The following ATOSA variants were observed in gnomAD, a reference collection of about 807,000 sequenced individuals.
ATOSA encodes the protein atos homolog A, also known as atos homolog protein A.
chr15:52,611,477 A>G, the ATOSA span: 1 of 1,309,272 alleles, frequency 7.6e-7, no homozygotes, highest in South Asian at 1.4e-5. Context: ...TTTATTACAT[A>G]GAGGAATTCA....
chr15:52,686,458 A>G, the ATOSA span, among the ~76,000 whole-genome samples: 1 of 152,254 alleles, frequency 6.6e-6, no homozygotes, highest in Non-Finnish European at 1.5e-5. Flanking sequence ...TACTGTCTCA[A>G]TTTAAGAAAG....
At chr15:52,708,961 A>G in the ATOSA span, among the ~76,000 whole-genome samples, 1 of 152,188 alleles carries the variant, frequency 6.6e-6, no homozygotes, top group African/African-American at 2.4e-5. Flanking sequence ...CCAGTCAGGT[A>G]ACACAATTCA....
chr15:52,650,238 C>T, the ATOSA span, among the ~76,000 whole-genome samples: 50 of 152,234 alleles, frequency 3.3e-4, no homozygotes, highest in African/African-American at 1.2e-3. Context: ...CATACCCCTA[C>T]CCCTTCTACA....
At chr15:52,599,632 A>T in the ATOSA span, among the ~76,000 whole-genome samples, 1 of 152,232 alleles carries the variant, frequency 6.6e-6, no homozygotes, top group African/African-American at 2.4e-5. Flanking sequence ...CCAAGTAGAA[A>T]TATTGTGAGT....
At chr15:52,631,583 A>C in the ATOSA span, among the ~76,000 whole-genome samples, 15 of 152,212 alleles carry the variant, frequency 9.9e-5, no homozygotes, top group African/African-American at 2.7e-4. Context: ...ATGGCAAATT[A>C]GTTTGCCATA....
chr15:52,610,336 G>A, the ATOSA span: 1 of 1,612,832 alleles, frequency 6.2e-7, no homozygotes, highest in Non-Finnish European at 8.5e-7. Context: ...ATGCTCAATT[G>A]GAGTCTGTGA....
chr15:52,584,776 CTT>C, the ATOSA span: 1 of 1,613,580 alleles, frequency 6.2e-7, no homozygotes, highest in Non-Finnish European at 8.5e-7. Context: ...AATAACCGTT[CTT>C]CTGTGTGTCG....
At chr15:52,648,095 G>A in the ATOSA span, among the ~76,000 whole-genome samples, 5 of 152,040 alleles carry the variant, frequency 3.3e-5, no homozygotes, top group East Asian at 1.9e-4. Context: ...CGTTTTTAAC[G>A]TAGAATAACT....
chr15:52,628,679 AATG>A, the ATOSA span, among the ~76,000 whole-genome samples: 12 of 152,306 alleles, frequency 7.9e-5, no homozygotes, highest in South Asian at 2.1e-4. Flanking sequence ...AAACTCCTCA[AATG>A]ATATTATGAA....
the ATOSA span, among the ~76,000 whole-genome samples, chr15:52,687,912 C>G: frequency 1.3e-5 from 2 of 152,194 alleles, no homozygotes; most frequent in African/African-American, 4.8e-5. Context: ...AGCATGCTAG[C>G]TCTGAGCTAA....
At chr15:52,618,514 G>T in the ATOSA span, among the ~76,000 whole-genome samples, 1 of 152,128 alleles carries the variant, frequency 6.6e-6, no homozygotes, top group Non-Finnish European at 1.5e-5. Flanking sequence ...AAAGTGCAAT[G>T]AGAGAGTGAA....
chr15:52,669,235 A>C, the ATOSA span, among the ~76,000 whole-genome samples: 1 of 152,070 alleles, frequency 6.6e-6, no homozygotes, highest in East Asian at 1.9e-4. Flanking sequence ...ATTTTTAATT[A>C]TAATAATTGT....
chr15:52,690,361 GA>G, the ATOSA span, among the ~76,000 whole-genome samples: 3 of 152,190 alleles, frequency 2.0e-5, no homozygotes, highest in Non-Finnish European at 4.4e-5. Context: ...TACATACGGA[GA>G]AACCTGAATG....
the ATOSA span, among the ~76,000 whole-genome samples, chr15:52,612,054 G>C: frequency 1.3e-5 from 2 of 151,984 alleles, no homozygotes; most frequent in Non-Finnish European, 2.9e-5. Context: ...GTGCAGTCTC[G>C]GCTCACTGCA....
chr15:52,595,915 G>A, the ATOSA span, among the ~76,000 whole-genome samples: 1 of 152,028 alleles, frequency 6.6e-6, no homozygotes, highest in African/African-American at 2.4e-5. Context: ...TTTACGAAAA[G>A]CCTGTGCAAA....
chr15:52,643,633 T>C, the ATOSA span, among the ~76,000 whole-genome samples: 2 of 151,908 alleles, frequency 1.3e-5, no homozygotes, highest in South Asian at 2.1e-4. Flanking sequence ...AACTGTATTT[T>C]AGCCGGGCGC....
At chr15:52,661,277 A>G in the ATOSA span, among the ~76,000 whole-genome samples, 4 of 152,256 alleles carry the variant, frequency 2.6e-5, no homozygotes, top group Admixed American at 2.0e-4. Context: ...ATGTCAAAAT[A>G]TAATCACCTA....
chr15:52,681,363 G>T, the ATOSA span, among the ~76,000 whole-genome samples: 4 of 152,156 alleles, frequency 2.6e-5, no homozygotes, highest in Non-Finnish European at 5.9e-5. Flanking sequence ...ACCAGATAGG[G>T]TCACTACTTT....
chr15:52,621,012 CCTT>C, the ATOSA span, among the ~76,000 whole-genome samples: 5 of 152,154 alleles, frequency 3.3e-5, no homozygotes, highest in Non-Finnish European at 7.4e-5. Flanking sequence ...TAAAAATTCT[CCTT>C]CTATGAATTT....
Sources: allele counts gnomAD v4.1 joint callset (sites outside exome capture counted in the v4.1 genomes callset), GRCh38; gene constraint gnomAD v4.1.1; transcripts MANE v1.5; gene names NCBI Gene and HGNC (gene_info 2026-07-23, HGNC 2026-07-21).